The following OAF variants were observed in gnomAD, a reference collection of about 807,000 sequenced individuals.
The protein encoded by OAF is out at first homolog, also known as out at first protein homolog.
A neutral mutation model predicts 22.5 loss-of-function variants in OAF; 13 were observed. That is an observed-to-expected ratio of 0.58 (90% CI 0.38 to 0.92). OAF has a LOEUF of 0.92. Among genes scored for constraint, OAF ranks in the 40% least tolerant of loss-of-function variants. OAF has a pLI of 0.00. For synonymous variants in OAF, 175 were observed against 170.5 expected (o/e 1.03, Z -0.21); for missense variants, 347 against 381.8 (o/e 0.91, Z 0.76).
chr11:120,229,368 C>CTT lies in OAF; in HGVS notation c.*226_*227insTT. The CTT allele has an allele frequency of 3.0e-6, 1 of 333,912 alleles. No individual in the cohort carries two copies. The allele number at this position is 333,912 out of a possible 1,614,324, so 20.7% of individuals were successfully genotyped here. ...TCCCACCCTGTGCCTTCCTTGCGGG[C>CTT]AGAGAGGGAGAGAAGGGCTCCCCAG... is the stretch of plus-strand genomic sequence containing the variant. On this transcript the variant is annotated 3_prime_UTR_variant, in exon 4 of 4. Coordinates refer to ENST00000328965, the MANE Select transcript of OAF (RefSeq NM_178507.4).
Position 120,225,662 on chromosome 11 carries a change from A to G in OAF, c.233A>G (p.Asp78Gly). 1 of 1,593,394 alleles carries G rather than the reference A, an allele frequency of 6.3e-7. No individual in the cohort carries two copies. Among genetic ancestry groups the G allele is most frequent in the Non-Finnish European group, 8.5e-7 (1 of 1,170,690 alleles). ...LVSFTADFKKDVKVFRALILG... is the reference protein window; with the variant it reads ...LVSFTADFKKGVKVFRALILG... ...TCCCATCCTCCTGCCCTTCTTCAGGATGTGAAGGTCTTCCGGGCCCTGATC... is the reference window on the plus strand; with the variant it reads ...TCCCATCCTCCTGCCCTTCTTCAGGGTGTGAAGGTCTTCCGGGCCCTGATC... Residue 78 changes from aspartate to glycine, a missense_variant and splice_region_variant, in exon 2 of 4, where the codon GAT (aspartate) becomes GGT (glycine). Physicochemically the swap from Asp to Gly is moderately conservative, Grantham distance 94. Coordinates refer to ENST00000328965, the MANE Select transcript of OAF (RefSeq NM_178507.4).
chr11:120,225,573 C>G, intron 1 of OAF, 88 bp from the exon 2 acceptor site: 2 of 1,235,008 alleles, frequency 1.6e-6, no homozygotes, highest in Admixed American at 5.7e-5. Context: ...GTCCAGGCAT[C>G]CTGTTCAGGG....
chr11:120,212,374 C>G (rs1938161248), intron 1 of OAF, among the ~76,000 whole-genome samples: 1 of 151,816 alleles, frequency 6.6e-6, no homozygotes, highest in Non-Finnish European at 1.5e-5. Flanking sequence ...GCCTTGCACC[C>G]AGGGGGCTGG....
chr11:120,227,215 C>A (rs940781036), intron 3 of OAF, among the ~76,000 whole-genome samples: 1 of 152,200 alleles, frequency 6.6e-6, no homozygotes, highest in African/African-American at 2.4e-5. Context: ...TCCTGTCCCC[C>A]AGCAGGGTAG....
At position 120,229,382 on chromosome 11, in the gene OAF, A is replaced by C; in HGVS notation, c.*240A>C. On this transcript the variant is annotated 3_prime_UTR_variant, in exon 4 of 4. Transcript: ENST00000328965. Reference sequence around the variant, plus strand: ...TTCCTTGCGGGCAGAGAGGGAGAGAAGGGCTCCCCAGATCTACACCCCTCC... The same window carrying C: ...TTCCTTGCGGGCAGAGAGGGAGAGACGGGCTCCCCAGATCTACACCCCTCC... 3 of 240,628 alleles carry C rather than the reference A, an allele frequency of 1.2e-5. No homozygotes were observed. Among genetic ancestry groups the C allele is most frequent in the South Asian group, 1.6e-4 (1 of 6,126 alleles). The allele number at this position is 240,628 out of a possible 1,614,324, so 14.9% of individuals were successfully genotyped here. A position where few individuals can be genotyped will look rare whatever the true frequency, so the allele number is the denominator to read the frequency against.
Position 120,225,781 on chromosome 11 carries a change from G to T in OAF, c.352G>T (p.Ala118Ser). Residue 118 changes from alanine (A) to serine (S), a missense_variant, in exon 2 of 4, where the codon GCC (alanine) becomes TCC (serine). By Grantham distance (99) the Ala-to-Ser change is moderately conservative (BLOSUM62 1). Transcript: ENST00000328965. ...TGAGATCATCCCCAGTGAGGCCATG[G>T]CCAAGCTCCGGCAGGTAAGTGCCCC... is the stretch of plus-strand genomic sequence containing the variant. ...HNEIIPSEAM[A>S]KLRQKNPRAV... 1 of 1,601,000 alleles carries T rather than the reference G, an allele frequency of 6.2e-7. No homozygotes were observed. The highest frequency in any genetic ancestry group is 1.7e-5 in the Admixed American group (1 of 58,514).
intron 1 of OAF, among the ~76,000 whole-genome samples, chr11:120,217,752 G>A (rs1434089680): frequency 1.3e-5 from 2 of 152,198 alleles, no homozygotes; most frequent in Non-Finnish European, 2.9e-5. Context: ...AGTGTGCGCA[G>A]TGACTAAGAG....
Position 120,226,832 on chromosome 11 carries a change from T to C in OAF, c.383T>C (p.Val128Ala), listed in dbSNP as rs1421638275. 1.2e-6 allele frequency: 2 copies of C among 1,600,746 alleles called. No individual in the cohort carries two copies. Among genetic ancestry groups the C allele is most frequent in the Non-Finnish European group, 8.5e-7 (1 of 1,170,054 alleles). ...CACACACAGAAAAATCCCCGGGCAG[T>C]GCGGCAGGCGGAGGAGGTTCGGGGT... Reference protein sequence around the residue: ...AKLRQKNPRAVRQAEEVRGLE... With the variant: ...AKLRQKNPRAARQAEEVRGLE... Residue 128 changes from valine to alanine, a missense_variant, in exon 3 of 4, where the codon GTG becomes GCG. Physicochemically the swap from Val to Ala is moderately conservative, Grantham distance 64. Coordinates refer to ENST00000328965, the MANE Select transcript of OAF (RefSeq NM_178507.4).
At chr11:120,217,749 G>A (rs1037072040) in intron 1 of OAF, among the ~76,000 whole-genome samples, 2 of 152,338 alleles carry the variant, frequency 1.3e-5, no homozygotes, top group Middle Eastern at 3.4e-3. Context: ...TTCAGTGTGC[G>A]CAGTGACTAA....
chr11:120,225,714 T>A lies in OAF; in HGVS notation c.285T>A (p.Ser95Arg), dbSNP rs751518135. The change falls in exon 2 of 4, where the codon AGT (serine) becomes AGA (arginine). Residue 95 changes from serine to arginine, a missense_variant. By Grantham distance (110) the Ser-to-Arg change is moderately radical (BLOSUM62 -1). Transcript: ENST00000328965. ...LILGELEKGQ[S>R]QFQALCFVTQ... ...TGGGGGAGCTGGAGAAGGGGCAGAGTCAGTTCCAGGCCCTCTGCTTTGTCA... is the reference window on the plus strand; with the variant it reads ...TGGGGGAGCTGGAGAAGGGGCAGAGACAGTTCCAGGCCCTCTGCTTTGTCA... 6.2e-7 allele frequency: 1 copy of A among 1,604,076 alleles called. No homozygotes were observed. The highest frequency in any genetic ancestry group is 1.1e-5 in the South Asian group (1 of 90,144).
At chr11:120,223,089 G>A (rs984853408) in intron 1 of OAF, among the ~76,000 whole-genome samples, 7 of 152,212 alleles carry the variant, frequency 4.6e-5, no homozygotes, top group Non-Finnish European at 8.8e-5. Flanking sequence ...GCAGGCTGCC[G>A]CCAGATGGGC....
chr11:120,214,022 A>T (rs1938182125), intron 1 of OAF: 2 of 152,218 alleles, frequency 1.3e-5, no homozygotes, highest in South Asian at 4.1e-4. Context: ...ACTGAGCTGC[A>T]ATTGTACTAC....
chr11:120,221,665 GC>G (rs1368640026), intron 1 of OAF, among the ~76,000 whole-genome samples: 1 of 152,188 alleles, frequency 6.6e-6, no homozygotes, highest in African/African-American at 2.4e-5. Context: ...TGGCTCCAGA[GC>G]CTTTGTTCTT....
In OAF at chr11:120,229,953, CA is replaced by C. The variant is rs2135100707; in HGVS notation, c.*812del. On this transcript the variant is annotated 3_prime_UTR_variant, in exon 4 of 4. Coordinates refer to ENST00000328965, the MANE Select transcript of OAF (RefSeq NM_178507.4). Reference sequence around the variant, plus strand: ...AAGTTTTTACTTGACTAATGAGACCCAGAGTTTGGAGAAAACTTTTGGCCAA... The same window carrying C: ...AAGTTTTTACTTGACTAATGAGACCCGAGTTTGGAGAAAACTTTTGGCCAA... 6.6e-6 allele frequency: 1 copy of C among 152,564 alleles called. No homozygotes were observed. The highest frequency in any genetic ancestry group is 6.5e-5 in the Admixed American group (1 of 15,302). The allele number at this position is 152,564 out of a possible 1,614,324, so 9.5% of individuals were successfully genotyped here.
At chr11:120,228,727 G>A (rs1938393807) in intron 3 of OAF, 141 bp from the exon 4 acceptor site, 6 of 656,016 alleles carry the variant, frequency 9.1e-6, no homozygotes, top group South Asian at 7.7e-5. Flanking sequence ...GTGTCCCATG[G>A]CAAGCTTGGA....
At chr11:120,225,423 A>G (rs565083189) in intron 1 of OAF, among the ~76,000 whole-genome samples, 27 of 152,232 alleles carry the variant, frequency 1.8e-4, no homozygotes, top group African/African-American at 5.8e-4. Context: ...CAGCTGGGAA[A>G]AACTCTAGTG....
intron 2 of OAF, among the ~76,000 whole-genome samples, chr11:120,226,196 C>T (rs752939730): frequency 6.6e-6 from 1 of 152,200 alleles, no homozygotes; most frequent in East Asian, 1.9e-4. Context: ...ACATCTCCTC[C>T]GTCACTCATT....
intron 1 of OAF, among the ~76,000 whole-genome samples, chr11:120,214,369 A>G (rs1026552984): frequency 1.3e-5 from 2 of 152,220 alleles, no homozygotes; most frequent in African/African-American, 4.8e-5. Context: ...TAGCTTTGCA[A>G]TTGTGGCTCA....
In OAF at chr11:120,228,852, T is replaced by C; in HGVS notation, c.548-16T>C. ...CCTCCCTCCCTCCCTCCCTGATCCT[T>C]GCCTCTCTCCCCCAGGTGTGGACAG... On this transcript the variant is annotated splice_polypyrimidine_tract_variant and intron_variant, in intron 3 of 3. Transcript: ENST00000328965. 3.6e-6 allele frequency: 2 copies of C among 555,332 alleles called. No homozygotes were observed. Among genetic ancestry groups the C allele is most frequent in the Non-Finnish European group, 6.4e-6 (2 of 311,060 alleles). The allele number at this position is 555,332 out of a possible 1,614,324, so 34.4% of individuals were successfully genotyped here. A position where few individuals can be genotyped will look rare whatever the true frequency, so the allele number is the denominator to read the frequency against.
Sources: allele counts gnomAD v4.1 joint callset (sites outside exome capture counted in the v4.1 genomes callset), GRCh38; gene constraint gnomAD v4.1.1; transcripts MANE v1.5; gene names NCBI Gene and HGNC (gene_info 2026-07-23, HGNC 2026-07-21).